The following DHRSX variants were observed in gnomAD, a reference collection of about 807,000 sequenced individuals.
The protein encoded by DHRSX is dehydrogenase/reductase X-linked.
Under a neutral mutation model 34.0 loss-of-function variants are expected in DHRSX, and 31 were observed. The observed-to-expected ratio is 0.91, with a 90% CI of 0.69 to 1.23. DHRSX has a LOEUF of 1.23. Ranked by LOEUF, DHRSX falls within the 50% of genes most tolerant of loss-of-function variation. The probability of loss-of-function intolerance (pLI) is 0.00; values close to 1 mark genes in which losing one functional copy is unlikely to be tolerated. For missense variants in DHRSX, 414 were observed against 428.1 expected, an observed-to-expected ratio of 0.97 and a Z score of 0.29; for synonymous variants, 201 against 183.8, an observed-to-expected ratio of 1.09 and a Z score of -0.76.
chrX:2,375,533 G>T (rs1483198500), intron 3 of DHRSX, among the ~76,000 whole-genome samples: 1 of 136,990 alleles, frequency 7.3e-6, no homozygotes, highest in African/African-American at 2.5e-5. Flanking sequence ...GGGTTGTTTT[G>T]GTTTCCTTGT....
intron 4 of DHRSX, among the ~76,000 whole-genome samples, chrX:2,287,933 A>G (rs1301404472): frequency 6.6e-6 from 1 of 152,196 alleles, no homozygotes; most frequent in Non-Finnish European, 1.5e-5. Context: ...AACTCAAAAG[A>G]TGAAAAAATG....
chrX:2,338,450 C>G (rs2042597925), intron 3 of DHRSX, among the ~76,000 whole-genome samples: 1 of 151,912 alleles, frequency 6.6e-6, no homozygotes, highest in South Asian at 2.1e-4. Context: ...CCTCCTCTCC[C>G]AAACTCAGGT....
intron 3 of DHRSX, among the ~76,000 whole-genome samples, chrX:2,305,066 G>C (rs2042083354): frequency 6.6e-6 from 1 of 151,968 alleles, no homozygotes. Flanking sequence ...GACATGGATG[G>C]AGCTAGAAGC....
intron 3 of DHRSX, among the ~76,000 whole-genome samples, chrX:2,325,504 G>C (rs187248960): frequency 6.6e-6 from 1 of 152,160 alleles, no homozygotes; most frequent in East Asian, 1.9e-4. Context: ...CACATGTAAA[G>C]TAAGAAAAAC....
chrX:2,308,235 A>G lies in DHRSX; in HGVS notation c.287-16632T>C, dbSNP rs750893696. ...GAAGCAGGAAGTACAGCTTCAGCCA[A>G]CGAGGGCGCTCCCAGTTACTGGTCA... On this transcript the variant is annotated intron_variant, in intron 3 of 6. Coordinates refer to ENST00000334651, the MANE Select transcript of DHRSX (RefSeq NM_145177.3). Among the ~76,000 whole-genome samples the G allele has an allele frequency of 2.4e-3, 360 of 151,980 alleles. 1 individual carries two copies. The highest frequency in any genetic ancestry group is 8.0e-3 in the African/African-American group (331 of 41,320).
At chrX:2,258,482 G>GGAGGAGAT (rs1455303513) in intron 5 of DHRSX, among the ~76,000 whole-genome samples, 5 of 146,138 alleles carry the variant, frequency 3.4e-5, no homozygotes, top group Admixed American at 6.8e-5. Flanking sequence ...CCTCATAAGA[G>GGAGGAGAT]GAGGAGATGA....
intron 1 of DHRSX, among the ~76,000 whole-genome samples, chrX:2,455,037 G>A (rs1388970223): frequency 6.6e-6 from 1 of 151,664 alleles, no homozygotes; most frequent in African/African-American, 2.4e-5. Context: ...ACTGGAACCC[G>A]GGAGCCAGAG....
intron 1 of DHRSX, among the ~76,000 whole-genome samples, chrX:2,474,258 A>C (rs906052495): frequency 3.9e-5 from 6 of 152,092 alleles, no homozygotes; most frequent in Non-Finnish European, 8.8e-5. Context: ...TTCCCAAAGC[A>C]TGTGGCCAAG....
chrX:2,370,590 G>GAAAA (rs59435030), intron 3 of DHRSX, among the ~76,000 whole-genome samples: 2 of 132,696 alleles, frequency 1.5e-5, no homozygotes, highest in African/African-American at 3.0e-5. Flanking sequence ...TGGTTTTACT[G>GAAAA]AAAAAAAAAA....
At chrX:2,300,265 A>C (rs924764598) in intron 3 of DHRSX, among the ~76,000 whole-genome samples, 4 of 152,126 alleles carry the variant, frequency 2.6e-5, no homozygotes, top group Non-Finnish European at 5.9e-5. Context: ...TCATCATCAG[A>C]ACCCTTAAAC....
chrX:2,299,430 C>T (rs1424090364), intron 3 of DHRSX, among the ~76,000 whole-genome samples: 1 of 152,172 alleles, frequency 6.6e-6, no homozygotes, highest in Non-Finnish European at 1.5e-5. Flanking sequence ...CCGTAGCCCA[C>T]ACACCACACC....
At chrX:2,266,204 C>A (rs1381618697) in intron 5 of DHRSX, among the ~76,000 whole-genome samples, 1 of 146,152 alleles carries the variant, frequency 6.8e-6, no homozygotes, top group African/African-American at 2.6e-5. Context: ...CAGTGCTTGG[C>A]AGACGCAGGG....
intron 1 of DHRSX, among the ~76,000 whole-genome samples, chrX:2,457,788 G>T (rs761367557): frequency 1.6e-4 from 24 of 151,580 alleles, no homozygotes; most frequent in African/African-American, 5.8e-4. Context: ...GTGGCCCAAG[G>T]GACAGCCACG....
intron 1 of DHRSX, among the ~76,000 whole-genome samples, chrX:2,495,292 ATTG>A (rs1332472422): frequency 1.3e-5 from 2 of 151,588 alleles, no homozygotes; most frequent in Admixed American, 6.6e-5. Context: ...CATTATTCCT[ATTG>A]TTGTTATTAT....
chrX:2,492,862 G>A (rs1002363911), intron 1 of DHRSX, among the ~76,000 whole-genome samples: 2 of 152,234 alleles, frequency 1.3e-5, no homozygotes, highest in African/African-American at 4.8e-5. Context: ...AAGCCCTCCG[G>A]TTTCTGGTAC....
In DHRSX at chrX:2,318,192, G is replaced by GAA. The variant is rs559205251; in HGVS notation, c.287-26591_287-26590dup. On this transcript the variant is annotated intron_variant, in intron 3 of 6. Coordinates refer to ENST00000334651, the MANE Select transcript of DHRSX (RefSeq NM_145177.3). ...AAACCTCGTGTCTACCAAAAATACA[G>GAA]AAAAAAAAAAAAAAAAAAGCAGCTG... 4.1e-3 allele frequency among the ~76,000 whole-genome samples: 448 copies of GAA among 108,612 alleles called. 5 individuals are homozygous for GAA. Among genetic ancestry groups the GAA allele is most frequent in the Middle Eastern group, 8.8e-3 (2 of 226 alleles). 71.3% of individuals were successfully genotyped at this position (108,612 alleles called of 152,430 possible). A position where few individuals can be genotyped will look rare whatever the true frequency, so the allele number is the denominator to read the frequency against.
chrX:2,445,507 TC>T (rs1290661844), intron 1 of DHRSX, among the ~76,000 whole-genome samples: 1 of 152,106 alleles, frequency 6.6e-6, no homozygotes, highest in African/African-American at 2.4e-5. Context: ...TTTGTGTTCC[TC>T]CCCCAAATTC....
intron 3 of DHRSX, among the ~76,000 whole-genome samples, chrX:2,397,517 G>A (rs1453578451): frequency 4.0e-5 from 6 of 151,618 alleles, no homozygotes; most frequent in African/African-American, 1.5e-4. Flanking sequence ...TCTGGTGGGA[G>A]AAGAGCAATG....
chrX:2,409,234 A>G (rs897960751), intron 2 of DHRSX, among the ~76,000 whole-genome samples: 5 of 152,188 alleles, frequency 3.3e-5, no homozygotes, highest in Non-Finnish European at 7.3e-5. Context: ...GCACGTGATC[A>G]CAGACCGTGG....
Sources: allele counts gnomAD v4.1 joint callset (sites outside exome capture counted in the v4.1 genomes callset), GRCh38; gene constraint gnomAD v4.1.1; transcripts MANE v1.5; gene names NCBI Gene and HGNC (gene_info 2026-07-23, HGNC 2026-07-21).